The following CSMD1 variants were observed in gnomAD, a reference collection of about 807,000 sequenced individuals.
CSMD1 encodes the protein CUB and Sushi multiple domains 1.
Under a neutral mutation model 417.5 loss-of-function variants are expected in CSMD1, and 213 were observed. That is an observed-to-expected ratio of 0.51 (90% CI 0.46 to 0.57). CSMD1 has a LOEUF of 0.57. CSMD1 is among the 20% of genes least tolerant of loss of function. CSMD1 has a pLI of 0.00. For missense variants in CSMD1, 6,923 were observed against 4,529.7 expected, an observed-to-expected ratio of 1.53 and a Z score of -15.17; for synonymous variants, 2,862 against 1,736.8, an observed-to-expected ratio of 1.65 and a Z score of -16.11.
At chr8:3,851,489 T>C (rs1454063463) in intron 5 of CSMD1, among the ~76,000 whole-genome samples, 3 of 152,130 alleles carry the variant, frequency 2.0e-5, no homozygotes, top group African/African-American at 7.2e-5. Flanking sequence ...AAGAAAGACC[T>C]AGTGTCTTGA....
chr8:3,573,147 G>A (rs1306116595), intron 10 of CSMD1, among the ~76,000 whole-genome samples: 1 of 152,034 alleles, frequency 6.6e-6, no homozygotes, highest in Non-Finnish European at 1.5e-5. Flanking sequence ...AGTATTAGCA[G>A]CTTATAATAG....
chr8:3,944,594 T>C (rs1811100294), intron 5 of CSMD1, among the ~76,000 whole-genome samples: 1 of 152,120 alleles, frequency 6.6e-6, no homozygotes, highest in Non-Finnish European at 1.5e-5. Flanking sequence ...ATCATGCAAA[T>C]TCCCAGATAT....
chr8:4,068,733 G>A (rs184479123), intron 3 of CSMD1, among the ~76,000 whole-genome samples: 57 of 152,184 alleles, frequency 3.7e-4, no homozygotes, highest in Admixed American at 7.9e-4. Flanking sequence ...CTATGCCTGC[G>A]CTGTGTATTT....
At chr8:3,678,215 G>A (rs1799479635) in intron 7 of CSMD1, among the ~76,000 whole-genome samples, 1 of 152,122 alleles carries the variant, frequency 6.6e-6, no homozygotes, top group Admixed American at 6.6e-5. Context: ...GAGAGAAGAA[G>A]GTTTCAGATG....
In CSMD1 at chr8:4,398,021, G is replaced by C. The variant is rs185170170; in HGVS notation, c.415+21932C>G. On this transcript the variant is annotated intron_variant, in intron 3 of 69. Transcript: ENST00000635120. ...ACCTTTGTCTAGGTCATACATACTG[G>C]TATCAATTTCTAACTTGGTATCTCT... Among the ~76,000 whole-genome samples, 473 of 152,216 alleles carry C rather than the reference G, an allele frequency of 3.1e-3. 4 individuals are homozygous for C. Among genetic ancestry groups the C allele is most frequent in the Non-Finnish European group, 3.1e-3 (214 of 68,028 alleles).
rs142204794 is a variant in CSMD1, at chr8:3,377,969, G to T, written c.2783-8599C>A. Among the ~76,000 whole-genome samples, 6 of 152,298 alleles carry T rather than the reference G, an allele frequency of 3.9e-5. No homozygotes were observed. In the South Asian group the frequency reaches 1.2e-3, roughly 32 times the overall value. Reference sequence around the variant, plus strand: ...AAAAGAATTGAGGTCAGAAAAGTCAGTGCCGTCATGGCCTGGAGCAATTCC... The same window carrying T: ...AAAAGAATTGAGGTCAGAAAAGTCATTGCCGTCATGGCCTGGAGCAATTCC... On this transcript the variant is annotated intron_variant, in intron 18 of 69. Coordinates refer to ENST00000635120, the MANE Select transcript of CSMD1 (RefSeq NM_033225.6).
chr8:4,986,788 G>A (rs1050997128), intron 1 of CSMD1, among the ~76,000 whole-genome samples: 14 of 151,998 alleles, frequency 9.2e-5, no homozygotes, highest in South Asian at 8.3e-4. Flanking sequence ...TGATAAAGAA[G>A]AAATCTTCTG....
intron 4 of CSMD1, among the ~76,000 whole-genome samples, chr8:4,004,707 C>T (rs541298065): frequency 6.6e-6 from 1 of 151,836 alleles, no homozygotes; most frequent in Non-Finnish European, 1.5e-5. Context: ...CAAAGTTGAC[C>T]TGGATGAGAT....
chr8:2,982,311 A>C (rs755279622), intron 54 of CSMD1, among the ~76,000 whole-genome samples: 2 of 152,182 alleles, frequency 1.3e-5, no homozygotes, highest in African/African-American at 4.8e-5. Context: ...AGCCGAGATC[A>C]TGCCACTGCA....
chr8:3,136,721 T>C (rs1365731214), intron 41 of CSMD1, among the ~76,000 whole-genome samples: 1 of 152,104 alleles, frequency 6.6e-6, no homozygotes, highest in African/African-American at 2.4e-5. Flanking sequence ...CCTGAGGTAA[T>C]CCTTGGGGTC....
chr8:4,113,747 G>C (rs1000778509), intron 3 of CSMD1, among the ~76,000 whole-genome samples: 22 of 152,236 alleles, frequency 1.4e-4, no homozygotes, highest in African/African-American at 4.8e-4. Flanking sequence ...AAATGAAACA[G>C]CCTTATTGGT....
intron 3 of CSMD1, among the ~76,000 whole-genome samples, chr8:4,198,974 T>G (rs1799496169): frequency 6.6e-6 from 1 of 152,070 alleles, no homozygotes; most frequent in Admixed American, 6.5e-5. Context: ...GTACTGTTGC[T>G]CATTTCCTCC....
intron 3 of CSMD1, among the ~76,000 whole-genome samples, chr8:4,239,965 C>T (rs1228097953): frequency 6.6e-6 from 1 of 152,128 alleles, no homozygotes; most frequent in Non-Finnish European, 1.5e-5. Flanking sequence ...AAATCCAAAC[C>T]TCTTTTACCA....
In CSMD1 at chr8:3,909,423, C is replaced by T. The variant is rs114367263; in HGVS notation, c.818+88480G>A. On this transcript the variant is annotated intron_variant, in intron 5 of 69. Coordinates refer to ENST00000635120, the MANE Select transcript of CSMD1 (RefSeq NM_033225.6). The stretch of plus-strand genomic sequence containing the variant: ...AAAATGAGCTCAAGGGTGCCGAGGG[C>T]AGGATACGCAGAAAAAGGCAGAACA... Among the ~76,000 whole-genome samples the T allele has an allele frequency of 8.9e-4, 135 of 152,166 alleles. 1 individual carries two copies. The highest frequency in any genetic ancestry group is 3.2e-3 in the African/African-American group (134 of 41,516).
chr8:3,645,874 G>A (rs1797547772), intron 7 of CSMD1, among the ~76,000 whole-genome samples: 1 of 151,796 alleles, frequency 6.6e-6, no homozygotes, highest in African/African-American at 2.4e-5. Flanking sequence ...ATATACATAG[G>A]GCAAATTACA....
At chr8:3,293,451 T>G (rs1469121282) in intron 25 of CSMD1, among the ~76,000 whole-genome samples, 2 of 152,216 alleles carry the variant, frequency 1.3e-5, no homozygotes, top group Admixed American at 1.3e-4. Flanking sequence ...TCCCTGTCAC[T>G]TTTAGGTACA....
intron 7 of CSMD1, among the ~76,000 whole-genome samples, chr8:3,683,339 T>C (rs1197572216): frequency 6.6e-6 from 1 of 152,178 alleles, no homozygotes; most frequent in African/African-American, 2.4e-5. Context: ...TGTTCTCTTA[T>C]TTATTCTTTT....
intron 3 of CSMD1, among the ~76,000 whole-genome samples, chr8:4,133,029 G>A (rs893781656): frequency 4.6e-5 from 7 of 152,118 alleles, no homozygotes; most frequent in South Asian, 2.1e-4. Context: ...CGACTCCCGG[G>A]TTAAAGCGAT....
chr8:3,709,558 C>T (rs1475896683), intron 6 of CSMD1, among the ~76,000 whole-genome samples: 1 of 151,946 alleles, frequency 6.6e-6, no homozygotes, highest in Non-Finnish European at 1.5e-5. Context: ...AAGAAGATGG[C>T]TCTCCCCAGT....
Sources: allele counts gnomAD v4.1 joint callset (sites outside exome capture counted in the v4.1 genomes callset), GRCh38; gene constraint gnomAD v4.1.1; transcripts MANE v1.5; gene names NCBI Gene and HGNC (gene_info 2026-07-23, HGNC 2026-07-21).